The following LHFPL6 variants were observed in gnomAD, a reference collection of about 807,000 sequenced individuals.
LHFPL6 encodes LHFPL tetraspan subfamily member 6 protein.
In LHFPL6, 9 loss-of-function variants were observed where a neutral mutation model predicts 20.6. The observed-to-expected ratio is 0.44, with a 90% CI of 0.26 to 0.76. LHFPL6 has a LOEUF of 0.76. LHFPL6 is among the 30% of genes least tolerant of loss of function. The pLI, the probability that LHFPL6 is intolerant of heterozygous loss-of-function variation, is 0.20. For synonymous variants in LHFPL6, 105 were observed against 98.7 expected (o/e 1.06, Z -0.38); for missense variants, 218 against 253.5 (o/e 0.86, Z 0.95).
intron 2 of LHFPL6, among the ~76,000 whole-genome samples, chr13:39,383,613 G>A (rs1270710572): frequency 6.6e-6 from 1 of 152,156 alleles, no homozygotes. Context: ...GATTTGTCAG[G>A]TTCTTAGGCC....
At chr13:39,426,431 G>T (rs1871640004) in intron 2 of LHFPL6, among the ~76,000 whole-genome samples, 1 of 152,022 alleles carries the variant, frequency 6.6e-6, no homozygotes, top group African/African-American at 2.4e-5. Context: ...TGTTGGTCAG[G>T]CTGGTCTCGA....
intron 2 of LHFPL6, among the ~76,000 whole-genome samples, chr13:39,471,736 A>G (rs959350710): frequency 3.9e-5 from 6 of 152,262 alleles, no homozygotes; most frequent in African/African-American, 1.4e-4. Flanking sequence ...CAGGATGTTC[A>G]ACCTTGTAGA....
chr13:39,494,916 G>A (rs900683168), intron 2 of LHFPL6, among the ~76,000 whole-genome samples: 9 of 152,026 alleles, frequency 5.9e-5, no homozygotes, highest in East Asian at 1.9e-4. Flanking sequence ...TTATACTACC[G>A]ATCACATGAG....
At chr13:39,367,938 A>G (rs1244122650) in intron 3 of LHFPL6, among the ~76,000 whole-genome samples, 2 of 152,228 alleles carry the variant, frequency 1.3e-5, no homozygotes, top group African/African-American at 4.8e-5. Flanking sequence ...GATATCAATT[A>G]AGTATTAATA....
chr13:39,518,888 T>A (rs980366573), intron 2 of LHFPL6, among the ~76,000 whole-genome samples: 1 of 152,182 alleles, frequency 6.6e-6, no homozygotes, highest in Admixed American at 6.5e-5. Flanking sequence ...ATGGAACACG[T>A]CGAAGTGAGA....
chr13:39,560,612 T>A (rs1486772595), intron 2 of LHFPL6, among the ~76,000 whole-genome samples: 1 of 150,674 alleles, frequency 6.6e-6, no homozygotes, highest in East Asian at 2.0e-4. Flanking sequence ...CCTCCCGGGT[T>A]CACGCCATTC....
intron 2 of LHFPL6, among the ~76,000 whole-genome samples, chr13:39,598,437 G>A (rs1406765296): frequency 6.6e-6 from 1 of 152,126 alleles, no homozygotes; most frequent in Non-Finnish European, 1.5e-5. Context: ...CTCGAGAGGT[G>A]AGATTCTGTA....
In LHFPL6 at chr13:39,519,065, G is replaced by A. The variant is rs575440575; in HGVS notation, c.385+81767C>T. Among the ~76,000 whole-genome samples the A allele has an allele frequency of 3.9e-5, 6 of 152,114 alleles. No individual in the cohort carries two copies. In the East Asian group the frequency reaches 5.8e-4, roughly 15 times the overall value. On this transcript the variant is annotated intron_variant, in intron 2 of 3. Coordinates refer to ENST00000379589, the MANE Select transcript of LHFPL6 (RefSeq NM_005780.3). ...AGCCTGGCCAGCATGGCAAAACCTCGTCTCTACTAAAAATACAAAAATTAG... is the reference window on the plus strand; with the variant it reads ...AGCCTGGCCAGCATGGCAAAACCTCATCTCTACTAAAAATACAAAAATTAG...
At chr13:39,376,787 T>G (rs1870304076) in intron 3 of LHFPL6, among the ~76,000 whole-genome samples, 1 of 152,260 alleles carries the variant, frequency 6.6e-6, no homozygotes, top group African/African-American at 2.4e-5. Context: ...TAACTGACTA[T>G]GTACTAATTA....
At chr13:39,365,344 C>G (rs1221668403) in intron 3 of LHFPL6, among the ~76,000 whole-genome samples, 1 of 152,188 alleles carries the variant, frequency 6.6e-6, no homozygotes, top group Non-Finnish European at 1.5e-5. Flanking sequence ...AATATACTCT[C>G]TAGGTATCCG....
chr13:39,456,806 T>C (rs1171448830), intron 2 of LHFPL6, among the ~76,000 whole-genome samples: 1 of 152,138 alleles, frequency 6.6e-6, no homozygotes, highest in African/African-American at 2.4e-5. Context: ...ATTTCTTTTT[T>C]TTTTTTTTGA....
At chr13:39,466,378 T>A (rs955021792) in intron 2 of LHFPL6, among the ~76,000 whole-genome samples, 5 of 152,074 alleles carry the variant, frequency 3.3e-5, no homozygotes, top group African/African-American at 1.2e-4. Flanking sequence ...AGTTGAAAAA[T>A]ATTGATTATG....
intron 2 of LHFPL6, among the ~76,000 whole-genome samples, chr13:39,561,236 C>T (rs965159643): frequency 6.6e-6 from 1 of 152,046 alleles, no homozygotes; most frequent in Non-Finnish European, 1.5e-5. Flanking sequence ...GAGCAGTACT[C>T]ACCCACCCTG....
rs1008448111 is a variant in LHFPL6 at position 39,575,071 on chromosome 13, G to GA, written c.385+25760dup. ...CGCGACAGAGCAAACTCCATCTCAA[G>GA]AAAAAAAAAAATACAGGTGGGTCTA... On this transcript the variant is annotated intron_variant, in intron 2 of 3. Transcript: ENST00000379589. 6.6e-3 allele frequency among the ~76,000 whole-genome samples: 958 copies of GA among 144,512 alleles called. 7 individuals are homozygous for GA. The highest frequency in any genetic ancestry group is 0.023 in the African/African-American group (901 of 39,776). The allele number at this position is 144,512 out of a possible 152,430, so 94.8% of individuals were successfully genotyped here.
intron 2 of LHFPL6, among the ~76,000 whole-genome samples, chr13:39,540,726 C>T (rs7332961): frequency 0.51 from 77,168 of 151,878 alleles, 19,813 homozygotes; most frequent in East Asian, 0.61. Flanking sequence ...GTTGAAACAA[C>T]TATTTTAGTG....
At chr13:39,430,737 C>A (rs375116869) in intron 2 of LHFPL6, among the ~76,000 whole-genome samples, 5 of 152,168 alleles carry the variant, frequency 3.3e-5, no homozygotes, top group African/African-American at 1.2e-4. Flanking sequence ...AAAAATGCAC[C>A]AATCAGCACT....
At chr13:39,435,275 C>A (rs1174235838) in intron 2 of LHFPL6, among the ~76,000 whole-genome samples, 2 of 151,952 alleles carry the variant, frequency 1.3e-5, no homozygotes, top group Admixed American at 6.6e-5. Context: ...GTATTGTTGT[C>A]CAGACTTGAG....
At chr13:39,490,846 G>A (rs1868901968) in intron 2 of LHFPL6, among the ~76,000 whole-genome samples, 1 of 152,086 alleles carries the variant, frequency 6.6e-6, no homozygotes, top group African/African-American at 2.4e-5. Context: ...CCCATTTAAT[G>A]AACCCTGATT....
intron 2 of LHFPL6, among the ~76,000 whole-genome samples, chr13:39,500,697 A>G (rs1461522226): frequency 6.6e-6 from 1 of 152,250 alleles, no homozygotes; most frequent in East Asian, 1.9e-4. Flanking sequence ...TGAATTGTAT[A>G]TTAAATGTTC....
Sources: gnomAD v4.1 joint callset for allele counts (sites outside exome capture counted in the v4.1 genomes callset) on GRCh38, gnomAD v4.1.1 for gene constraint, MANE v1.5 for transcripts, NCBI Gene and HGNC (gene_info 2026-07-23, HGNC 2026-07-21) for gene names.